MIB1: variants seen among roughly 807,000 people sequenced by gnomAD.
The protein encoded by MIB1 is E3 ubiquitin-protein ligase MIB1.
A neutral mutation model predicts 124.5 loss-of-function variants in MIB1; 278 were observed. That is an observed-to-expected ratio of 2.23 (90% confidence interval 2.02 to 2.47). The LOEUF (loss-of-function observed/expected upper bound fraction) is 2.47. Ranked by LOEUF, MIB1 falls within the 30% of genes most tolerant of loss-of-function variation. The pLI is 0.00. For synonymous variants in MIB1, 446 were observed against 429.4 expected (o/e 1.04, Z -0.48); for missense variants, 957 against 1,254.4 (o/e 0.76, Z 3.58).
intron 11 of MIB1, among the ~76,000 whole-genome samples, chr18:21,817,261 A>G (rs1598625227): frequency 7.5e-6 from 1 of 133,014 alleles, no homozygotes; most frequent in Non-Finnish European, 1.5e-5. Flanking sequence ...TTCAGGGCCC[A>G]CCTCAGCCTC....
intron 9 of MIB1, among the ~76,000 whole-genome samples, chr18:21,801,956 C>T (rs975384497): frequency 6.6e-6 from 1 of 152,070 alleles, no homozygotes; most frequent in African/African-American, 2.4e-5. Flanking sequence ...TTTGTTTCTA[C>T]ATTTTCTCTC....
At position 21,868,460 on chromosome 18, in the gene MIB1, T is replaced by C. The variant is rs1437457793; in HGVS notation, c.*3794T>C. 2 of 152,464 alleles carry C rather than the reference T, an allele frequency of 1.3e-5. No homozygotes were observed. The highest frequency in any genetic ancestry group is 4.8e-5 in the African/African-American group (2 of 41,424). 9.4% of individuals were successfully genotyped at this position (152,464 alleles called of 1,614,324 possible). Reference sequence around the variant, plus strand: ...GCAATTAAATTGAGTAGGTTTTAAATGTCTATTCATTGGAAGGGTTTGTTA... The same window carrying C: ...GCAATTAAATTGAGTAGGTTTTAAACGTCTATTCATTGGAAGGGTTTGTTA... On this transcript the variant is annotated 3_prime_UTR_variant, in exon 21 of 21. Coordinates refer to ENST00000261537, the MANE Select transcript of MIB1 (RefSeq NM_020774.4).
intron 7 of MIB1, among the ~76,000 whole-genome samples, chr18:21,795,991 C>A (rs144347374): frequency 7.4e-4 from 112 of 152,054 alleles, no homozygotes; most frequent in African/African-American, 2.6e-3. Context: ...AAGTAAAAAC[C>A]CTGTAGTCTT....
upstream of MIB1, among the ~76,000 whole-genome samples, chr18:21,737,849 C>A (rs964393236): frequency 1.3e-5 from 2 of 152,148 alleles, no homozygotes; most frequent in Non-Finnish European, 2.9e-5. Flanking sequence ...TATATATGCA[C>A]CCAATACGGG....
intron 16 of MIB1, among the ~76,000 whole-genome samples, chr18:21,847,891 A>G (rs6508642): frequency 0.95 from 144,542 of 152,302 alleles, 68,792 homozygotes; most frequent in Middle Eastern, 0.99. Flanking sequence ...GAGATTTTAT[A>G]GATGTACAAA....
At chr18:21,856,171 A>G (rs1402081616) in intron 18 of MIB1, among the ~76,000 whole-genome samples, 1 of 149,728 alleles carries the variant, frequency 6.7e-6, no homozygotes, top group Non-Finnish European at 1.5e-5. Flanking sequence ...CGGAGCTTGC[A>G]GTGAGCTGAG....
chr18:21,777,145 G>A (rs946335833), intron 4 of MIB1, among the ~76,000 whole-genome samples: 4 of 152,086 alleles, frequency 2.6e-5, no homozygotes, highest in African/African-American at 4.8e-5. Context: ...CTGGCCCGGC[G>A]TGGTGGCTTA....
upstream of MIB1, among the ~76,000 whole-genome samples, chr18:21,737,168 A>G (rs1392587292): frequency 1.3e-5 from 2 of 152,228 alleles, no homozygotes; most frequent in African/African-American, 4.8e-5. Flanking sequence ...AGTCCATTAG[A>G]CTAACAGCGG....
At chr18:21,737,114 GAGAA>G (rs2040799874), upstream of MIB1, among the ~76,000 whole-genome samples, 1 of 152,174 alleles carries the variant, frequency 6.6e-6, no homozygotes, top group Non-Finnish European at 1.5e-5. Context: ...GGCAGCCAGA[GAGAA>G]AGGTCGGGTT....
intron 1 of MIB1, among the ~76,000 whole-genome samples, chr18:21,723,957 G>A (rs1025692143): frequency 6.6e-6 from 1 of 151,820 alleles, no homozygotes; most frequent in African/African-American, 2.4e-5. Context: ...TCCTGCCTTG[G>A]CCTCCCAAAG....
At chr18:21,788,237 A>G (rs1452785539) in intron 6 of MIB1, among the ~76,000 whole-genome samples, 2 of 152,192 alleles carry the variant, frequency 1.3e-5, no homozygotes. Flanking sequence ...TGTCTTACTG[A>G]CATGTACATA....
Position 21,741,880 on chromosome 18 carries a change from G to T in MIB1, c.229+68G>T. On this transcript the variant is annotated intron_variant, in intron 1 of 20. Coordinates refer to ENST00000261537, the MANE Select transcript of MIB1 (RefSeq NM_020774.4). The surrounding 1 kb of genome is among the most constrained non-coding windows in gnomAD (Gnocchi z 5.4). ...AAGGGGCGAGCTGCGGTGGGCGTCG[G>T]TGTCGCGGGGAGAGGTCTGCAGTGG... 1.4e-6 allele frequency: 2 copies of T among 1,391,642 alleles called. No individual in the cohort carries two copies. The highest frequency in any genetic ancestry group is 1.9e-6 in the Non-Finnish European group (2 of 1,034,184). 86.2% of individuals were successfully genotyped at this position (1,391,642 alleles called of 1,614,324 possible). A position where few individuals can be genotyped will look rare whatever the true frequency, so the allele number is the denominator to read the frequency against.
intron 1 of MIB1, among the ~76,000 whole-genome samples, chr18:21,735,369 CCAG>C (rs996208156): frequency 6.6e-6 from 1 of 152,216 alleles, no homozygotes. Context: ...GTCTTCACAA[CCAG>C]CAGACCAGGA....
chr18:21,734,341 G>A (rs1235823287), intron 1 of MIB1, among the ~76,000 whole-genome samples: 4 of 151,518 alleles, frequency 2.6e-5, no homozygotes. Flanking sequence ...TCCTGACCTC[G>A]TGATCCACCA....
chr18:21,860,912 G>C (rs1166406171), intron 20 of MIB1, among the ~76,000 whole-genome samples: 1 of 152,128 alleles, frequency 6.6e-6, no homozygotes, highest in Non-Finnish European at 1.5e-5. Flanking sequence ...TATGACACAT[G>C]CCTGGAGTCC....
chr18:21,844,836 TTGTC>T, intron 15 of MIB1, among the ~76,000 whole-genome samples: 1 of 152,336 alleles, frequency 6.6e-6, no homozygotes, highest in Non-Finnish European at 1.5e-5. Context: ...ATCTTTTCAT[TTGTC>T]TGTCACCATA....
In MIB1 at chr18:21,857,189, C is replaced by T. The variant is rs2042237041; in HGVS notation, c.2725C>T (p.Pro909Ser). 1 of 1,614,084 alleles carries T rather than the reference C, an allele frequency of 6.2e-7. No individual in the cohort carries two copies. The part of the protein sequence containing the change: ...QCRAVVERRV[P>S]FIMCCGGKSS... ...TCGAGCAGTAGTTGAACGAAGAGTG[C>T]CTTTCATTATGTGCTGTGGAGGGAA... is the stretch of plus-strand genomic sequence containing the variant. Residue 909 changes from proline to serine, a missense_variant, in exon 19 of 21, where the codon CCT (proline) becomes TCT (serine). By Grantham distance (74) the Pro-to-Ser change is moderately conservative (BLOSUM62 -1). Transcript: ENST00000261537.
chr18:21,722,604 C>G (rs565102527), intron 1 of MIB1, among the ~76,000 whole-genome samples: 1 of 151,826 alleles, frequency 6.6e-6, no homozygotes, highest in Non-Finnish European at 1.5e-5. Flanking sequence ...CTCCAGACCT[C>G]GTGATCTGCT....
At chr18:21,799,325 G>A (rs2041623351) in intron 8 of MIB1, among the ~76,000 whole-genome samples, 1 of 152,016 alleles carries the variant, frequency 6.6e-6, no homozygotes, top group Non-Finnish European at 1.5e-5. Flanking sequence ...CTTACTGAAA[G>A]TTATTAGCAC....
Sources: gnomAD v4.1 joint callset for allele counts (sites outside exome capture counted in the v4.1 genomes callset) on GRCh38, gnomAD v4.1.1 for gene constraint, Gnocchi (gnomAD v3.1) non-coding constraint, MANE v1.5 for transcripts, NCBI Gene and HGNC (gene_info 2026-07-23, HGNC 2026-07-21) for gene names.